GLIS3: variants seen among roughly 807,000 people sequenced by gnomAD.
The protein encoded by GLIS3 is zinc finger protein GLIS3.
Under a neutral mutation model 78.6 loss-of-function variants are expected in GLIS3, and 53 were observed. That is an observed-to-expected ratio of 0.67 (90% CI 0.54 to 0.85). GLIS3 has a LOEUF of 0.85. GLIS3 is among the 40% of genes least tolerant of loss of function. The pLI is 0.00. For synonymous variants in GLIS3, 684 were observed against 509.9 expected, an observed-to-expected ratio of 1.34 and a Z score of -4.60; for missense variants, 1,703 against 1,231.1, an observed-to-expected ratio of 1.38 and a Z score of -5.74.
intron 4 of GLIS3, among the ~76,000 whole-genome samples, chr9:4,032,855 C>CTT (rs537474142): frequency 2.4e-4 from 35 of 146,082 alleles, no homozygotes; most frequent in Non-Finnish European, 1.8e-4. Flanking sequence ...ATTGAGAATT[C>CTT]TTTTTTTTTT....
At chr9:4,158,910 T>G (rs1187252913) in intron 2 of GLIS3, among the ~76,000 whole-genome samples, 1 of 151,296 alleles carries the variant, frequency 6.6e-6, no homozygotes, top group Non-Finnish European at 1.5e-5. Flanking sequence ...TAAGCTGGGA[T>G]GCAAATAGTG....
intron 4 of GLIS3, among the ~76,000 whole-genome samples, chr9:4,042,786 C>A (rs1429010949): frequency 6.6e-6 from 1 of 152,020 alleles, no homozygotes; most frequent in Non-Finnish European, 1.5e-5. Flanking sequence ...ATTTTAGTGA[C>A]AATAAAAGCA....
At position 4,002,436 on chromosome 9, in the gene GLIS3, C is replaced by T. The variant is rs75391324; in HGVS notation, c.1711-65247G>A. ...ACAGCAGCAATAGAAAACTAATTCACCTACTGAGTAGGCTTTACCCCTGCT... is the reference window on the plus strand; with the variant it reads ...ACAGCAGCAATAGAAAACTAATTCATCTACTGAGTAGGCTTTACCCCTGCT... On this transcript the variant is annotated intron_variant, in intron 4 of 10. Transcript: ENST00000381971. Among the ~76,000 whole-genome samples, 523 of 152,314 alleles carry T rather than the reference C, an allele frequency of 3.4e-3. 3 individuals carry two copies. Among genetic ancestry groups the T allele is most frequent in the African/African-American group, 0.012 (503 of 41,574 alleles).
At chr9:3,938,411 T>C (rs1826016084) in intron 4 of GLIS3, among the ~76,000 whole-genome samples, 1 of 152,202 alleles carries the variant, frequency 6.6e-6, no homozygotes, top group Admixed American at 6.5e-5. Context: ...TGTATAAAAC[T>C]CTTTGGTTCT....
chr9:3,925,596 C>A (rs535418662), intron 6 of GLIS3, among the ~76,000 whole-genome samples: 3 of 146,220 alleles, frequency 2.1e-5, no homozygotes, highest in African/African-American at 7.3e-5. Flanking sequence ...AGTGTGTGTG[C>A]GTGTGCGCGC....
chr9:4,470,363 C>A, the GLIS3 span, among the ~76,000 whole-genome samples: 1 of 152,180 alleles, frequency 6.6e-6, no homozygotes, highest in African/African-American at 2.4e-5. Context: ...CAATAAAATA[C>A]TGGCAAACCA....
At chr9:4,104,330 G>C (rs1462988270) in intron 4 of GLIS3, among the ~76,000 whole-genome samples, 1 of 152,028 alleles carries the variant, frequency 6.6e-6, no homozygotes, top group Non-Finnish European at 1.5e-5. Context: ...AGTTACCTCT[G>C]ACACTTCTGT....
chr9:3,914,132 G>A (rs1045104482), intron 6 of GLIS3, among the ~76,000 whole-genome samples: 2 of 36,210 alleles, frequency 5.5e-5, no homozygotes, highest in African/African-American at 1.3e-4. Context: ...AAGACACTTG[G>A]GTAGTTTCTT....
chr9:4,475,994 TCTC>T, the GLIS3 span, among the ~76,000 whole-genome samples: 1 of 152,100 alleles, frequency 6.6e-6, no homozygotes, highest in Non-Finnish European at 1.5e-5. Flanking sequence ...AGTGATACTC[TCTC>T]CTCAGCCTCC....
chr9:3,899,015 T>C, intron 6 of GLIS3, 180 bp from the exon 7 acceptor site: 1 of 743,956 alleles, frequency 1.3e-6, no homozygotes, highest in Non-Finnish European at 2.3e-6. Context: ...CCAATCCTAA[T>C]AACACCTGGC....
At chr9:4,235,662 G>C (rs1191027963) in intron 2 of GLIS3, among the ~76,000 whole-genome samples, 1 of 152,112 alleles carries the variant, frequency 6.6e-6, no homozygotes, top group East Asian at 1.9e-4. Flanking sequence ...ATGTATAAAT[G>C]CAAGTGTCAG....
At chr9:4,000,222 A>G (rs921658066) in intron 4 of GLIS3, among the ~76,000 whole-genome samples, 1 of 152,224 alleles carries the variant, frequency 6.6e-6, no homozygotes, top group Admixed American at 6.5e-5. Context: ...TGATGAAAGG[A>G]AATCACAGAA....
chr9:4,033,881 A>AAAAAAC, intron 4 of GLIS3, among the ~76,000 whole-genome samples: 2 of 150,854 alleles, frequency 1.3e-5, no homozygotes, highest in African/African-American at 4.9e-5. Context: ...AAAAAAAAAA[A>AAAAAAC]AAAAAAAAAC....
chr9:4,157,530 T>A (rs550515662), intron 2 of GLIS3, among the ~76,000 whole-genome samples: 7 of 152,164 alleles, frequency 4.6e-5, no homozygotes, highest in Admixed American at 2.0e-4. Flanking sequence ...GAACGATCTA[T>A]CATTCAATGA....
intron 2 of GLIS3, among the ~76,000 whole-genome samples, chr9:4,168,058 G>C (rs1444671629): frequency 6.6e-6 from 1 of 152,100 alleles, no homozygotes; most frequent in Admixed American, 6.5e-5. Flanking sequence ...TAAAATACCT[G>C]GCCCGGTTAA....
At chr9:4,205,742 T>G (rs1819817891) in intron 2 of GLIS3, among the ~76,000 whole-genome samples, 1 of 152,240 alleles carries the variant, frequency 6.6e-6, no homozygotes, top group Non-Finnish European at 1.5e-5. Flanking sequence ...TCTCCATGAT[T>G]GTTTAAGCCA....
intron 7 of GLIS3, among the ~76,000 whole-genome samples, chr9:3,895,818 G>A (rs1460152385): frequency 2.6e-5 from 4 of 152,264 alleles, no homozygotes; most frequent in South Asian, 2.1e-4. Context: ...GTCCTCAATC[G>A]TTGTGGCTTC....
chr9:3,916,342 A>G (rs1006337831), intron 6 of GLIS3, among the ~76,000 whole-genome samples: 4 of 152,226 alleles, frequency 2.6e-5, no homozygotes, highest in Non-Finnish European at 5.9e-5. Context: ...TGGGGGACCA[A>G]GCAAATTCCT....
At chr9:3,881,288 G>A (rs564185289) in intron 7 of GLIS3, among the ~76,000 whole-genome samples, 97 of 151,298 alleles carry the variant, frequency 6.4e-4, no homozygotes, top group Middle Eastern at 3.4e-3. Context: ...TTTTTTTCCT[G>A]CTTCAGTGTA....
Sources: allele counts gnomAD v4.1 joint callset (sites outside exome capture counted in the v4.1 genomes callset), GRCh38; gene constraint gnomAD v4.1.1; transcripts MANE v1.5; gene names NCBI Gene and HGNC (gene_info 2026-07-23, HGNC 2026-07-21).